Variants in HIVEP3 observed in about 807,000 individuals in gnomAD.
The protein encoded by HIVEP3 is transcription factor HIVEP3.
HIVEP3 carries 49 observed loss-of-function variants against 152.8 expected under a neutral mutation model. The ratio of observed to expected loss-of-function variants is 0.32; its 90% CI spans 0.26 to 0.41. The LOEUF is 0.41. Among genes scored for constraint, HIVEP3 ranks in the 10% least tolerant of loss-of-function variants. HIVEP3 has a pLI of 1.00. For synonymous variants in HIVEP3, 1,269 were observed against 1,289.0 expected, an observed-to-expected ratio of 0.98 and a Z score of 0.33; for missense variants, 2,790 against 3,103.3, an observed-to-expected ratio of 0.90 and a Z score of 2.40.
At chr1:41,761,658 T>G (rs928023932) in intron 1 of HIVEP3, among the ~76,000 whole-genome samples, 67 of 152,238 alleles carry the variant, frequency 4.4e-4, no homozygotes, top group African/African-American at 1.6e-3. Flanking sequence ...AATGTGCATG[T>G]ACACATGTGT....
rs751107698 is a variant in HIVEP3, at chr1:42,030,646, C to T, written n.119+5161G>A. On this transcript the variant is annotated intron_variant and non_coding_transcript_variant, in intron 1 of 3. Transcript: ENST00000489103. ...GGCCCTCGTGGCTCTTATAATCACA[C>T]ATGTCGATTATCGGTTTTCCTCCGG... is the stretch of plus-strand genomic sequence containing the variant. Among the ~76,000 whole-genome samples the T allele has an allele frequency of 7.0e-4, 106 of 152,294 alleles. 1 individual carries two copies. The highest frequency in any genetic ancestry group is 3.4e-3 in the Middle Eastern group (1 of 294).
In HIVEP3 at chr1:41,824,414, T is replaced by G. The variant is rs183212915; in HGVS notation, c.-801+93999A>C. 1.5e-3 allele frequency among the ~76,000 whole-genome samples: 233 copies of G among 152,170 alleles called. 2 individuals are homozygous for G. The highest frequency in any genetic ancestry group is 3.4e-3 in the Middle Eastern group (1 of 294). ...ATTTTGCAATTTAATAATAACCTAGTCTAGTCAGAAAGGTAATGCCTCCTT... is the reference window on the plus strand; with the variant it reads ...ATTTTGCAATTTAATAATAACCTAGGCTAGTCAGAAAGGTAATGCCTCCTT... On this transcript the variant is annotated intron_variant, in intron 1 of 8. Transcript: ENST00000372583.
rs552179203 is a variant in HIVEP3 at position 41,843,574 on chromosome 1, G to A, written c.-801+74839C>T. Among the ~76,000 whole-genome samples the A allele has an allele frequency of 8.6e-5, 13 of 151,634 alleles. No homozygotes were observed. In the South Asian group the frequency reaches 1.3e-3, roughly 15 times the overall value. ...CACAGCAGCTAGGAGTGCTAAAGACGGGTAGTTTAAGAAAAAAAAAAAACA... is the reference window on the plus strand; with the variant it reads ...CACAGCAGCTAGGAGTGCTAAAGACAGGTAGTTTAAGAAAAAAAAAAAACA... On this transcript the variant is annotated intron_variant, in intron 1 of 8. Coordinates refer to ENST00000372583, the MANE Select transcript of HIVEP3 (RefSeq NM_024503.5).
chr1:41,524,969 C>T, intron 5 of HIVEP3, 59 bp from the exon 6 acceptor site: 1 of 1,496,084 alleles, frequency 6.7e-7, no homozygotes, highest in Non-Finnish European at 9.2e-7. Context: ...AGGTTCCCAC[C>T]TCAGAAGACG....
chr1:41,874,534 C>T (rs187820914), intron 1 of HIVEP3, among the ~76,000 whole-genome samples: 2 of 152,294 alleles, frequency 1.3e-5, no homozygotes, highest in East Asian at 3.9e-4. Flanking sequence ...AGCTGCCAAA[C>T]GCTTTCCTGC....
chr1:41,527,043 C>A lies in HIVEP3; in HGVS notation c.5208-2133G>T, dbSNP rs1303521717. On this transcript the variant is annotated intron_variant, in intron 5 of 8. Transcript: ENST00000372583. ...CACACTCACCCCCCACCCTCACACA[C>A]CCTCTTCCTCACACACACCCTCACA... Among the ~76,000 whole-genome samples the A allele has an allele frequency of 8.2e-5, 8 of 98,070 alleles. 1 individual carries two copies. The highest frequency in any genetic ancestry group is 3.9e-4 in the South Asian group (1 of 2,588). The allele number at this position is 98,070 out of a possible 152,430, so 64.3% of individuals were successfully genotyped here.
chr1:41,760,178 C>T (rs1647574788), intron 1 of HIVEP3, among the ~76,000 whole-genome samples: 1 of 152,116 alleles, frequency 6.6e-6, no homozygotes, highest in Non-Finnish European at 1.5e-5. Flanking sequence ...CATAGTGAGG[C>T]CCTGTATTTT....
chr1:41,675,102 C>A (rs147028868), intron 2 of HIVEP3, among the ~76,000 whole-genome samples: 1 of 152,276 alleles, frequency 6.6e-6, no homozygotes, highest in East Asian at 1.9e-4. Context: ...GTCCTTGACT[C>A]CAGGCTTTAA....
At chr1:41,847,114 C>A (rs966653669) in intron 1 of HIVEP3, 4 of 152,222 alleles carry the variant, frequency 2.6e-5, no homozygotes, top group South Asian at 2.1e-4. Context: ...CATACTTTGA[C>A]ATCTTTGTAA....
intron 1 of HIVEP3, among the ~76,000 whole-genome samples, chr1:41,729,514 C>T: frequency 6.6e-6 from 1 of 152,178 alleles, no homozygotes; most frequent in East Asian, 1.9e-4. Flanking sequence ...GCCTGATATC[C>T]GTCACTGACC....
intron 3 of HIVEP3, among the ~76,000 whole-genome samples, chr1:41,618,243 A>G (rs1293237468): frequency 6.6e-6 from 1 of 152,210 alleles, no homozygotes; most frequent in East Asian, 1.9e-4. Context: ...TGGCTGCCAC[A>G]CAGAAGAGTC....
intron 3 of HIVEP3, among the ~76,000 whole-genome samples, chr1:41,597,905 G>A (rs770483305): frequency 6.6e-6 from 1 of 152,190 alleles, no homozygotes; most frequent in Non-Finnish European, 1.5e-5. Context: ...AGGCCCAGAT[G>A]CTTGTAGCTA....
At chr1:41,512,765 C>A (rs1027061304) in intron 8 of HIVEP3, 51 bp downstream of exon 8, 10 of 1,414,106 alleles carry the variant, frequency 7.1e-6, no homozygotes, top group African/African-American at 4.3e-5. Context: ...AACTTGCAAC[C>A]CCTGCACCCA....
chr1:41,641,995 T>C (rs1288449078), intron 2 of HIVEP3, among the ~76,000 whole-genome samples: 2 of 152,232 alleles, frequency 1.3e-5, no homozygotes, highest in East Asian at 1.9e-4. Context: ...GGCTGGACTT[T>C]GAGAAGGACT....
chr1:42,009,837 T>C (rs1645483015), intron 1 of HIVEP3, among the ~76,000 whole-genome samples: 1 of 152,240 alleles, frequency 6.6e-6, no homozygotes, highest in African/African-American at 2.4e-5. Context: ...TATTGTCTTT[T>C]TACATATTTC....
At chr1:41,553,734 G>A (rs921952720) in intron 5 of HIVEP3, among the ~76,000 whole-genome samples, 1 of 152,166 alleles carries the variant, frequency 6.6e-6, no homozygotes, top group Admixed American at 6.6e-5. Flanking sequence ...GTCTGTAAAG[G>A]ATTTTATTTC....
rs1363971695 is a variant in HIVEP3 at position 41,929,724 on chromosome 1, TTTTA to T, written n.120-11204_120-11201del. ...TATGTGTGAGTGTGTGTATATGTGT[TTTTA>T]TATATATATATATATATATATATAT... On this transcript the variant is annotated intron_variant and non_coding_transcript_variant, in intron 1 of 3. Coordinates refer to the HIVEP3 transcript ENST00000489103. Among the ~76,000 whole-genome samples the T allele has an allele frequency of 0.013, 403 of 30,576 alleles. 13 individuals carry two copies. In the Middle Eastern group the frequency reaches 0.14, roughly 10 times the overall value. 20.1% of individuals were successfully genotyped at this position (30,576 alleles called of 152,430 possible).
At position 41,583,066 on chromosome 1, in the gene HIVEP3, G is replaced by T. The variant is rs202203017; in HGVS notation, c.1732C>A (p.His578Asn). Reference protein sequence around the residue: ...TDSEALSHSSHVFTSHPRMLK... With the variant: ...TDSEALSHSSNVFTSHPRMLK... Reference sequence around the variant, plus strand: ...ATCCGGGGGTGGGAGGTAAACACGTGACTGCTGTGGCTCAGGGCTTCGGAG... The same window carrying T: ...ATCCGGGGGTGGGAGGTAAACACGTTACTGCTGTGGCTCAGGGCTTCGGAG... The change falls in exon 4 of 9, where the codon CAC becomes AAC. Residue 578 changes from histidine to asparagine, a missense_variant. Physicochemically the swap from His to Asn is moderately conservative, Grantham distance 68 (BLOSUM62 1). Transcript: ENST00000372583. This position sits in a 1 kb window ranked among gnomAD's most constrained non-coding sequence, Gnocchi z 6.9. 6.2e-7 allele frequency: 1 copy of T among 1,613,778 alleles called. No individual in the cohort carries two copies. The highest frequency in any genetic ancestry group is 1.7e-5 in the Admixed American group (1 of 59,980).
intron 1 of HIVEP3, among the ~76,000 whole-genome samples, chr1:41,780,929 T>G (rs1649004974): frequency 6.6e-6 from 1 of 152,122 alleles, no homozygotes; most frequent in African/African-American, 2.4e-5. Flanking sequence ...TTAGCTCCAC[T>G]GACATTTGAA....
Sources: allele counts gnomAD v4.1 joint callset (sites outside exome capture counted in the v4.1 genomes callset), GRCh38; gene constraint gnomAD v4.1.1; non-coding constraint Gnocchi (gnomAD v3.1); transcripts MANE v1.5; gene names NCBI Gene and HGNC (gene_info 2026-07-23, HGNC 2026-07-21).